The following FBXW12 variants were observed in gnomAD, a reference collection of about 807,000 sequenced individuals.
The protein encoded by FBXW12 is F-box/WD repeat-containing protein 12.
A neutral mutation model predicts 55.3 loss-of-function variants in FBXW12; 43 were observed. That is an observed-to-expected ratio of 0.78 (90% CI 0.61 to 1.00). The LOEUF is 1.00. Among genes scored for constraint, FBXW12 ranks in the 50% least tolerant of loss-of-function variants. The probability of loss-of-function intolerance (pLI) is 0.00; values close to 1 mark genes in which losing one functional copy is unlikely to be tolerated. For synonymous variants in FBXW12, 184 were observed against 203.8 expected (o/e 0.90, Z 0.83); for missense variants, 524 against 560.5 (o/e 0.93, Z 0.66).
At chr3:48,381,575 GA>G (rs1560032210) in intron 8 of FBXW12, 124 bp from the exon 9 acceptor site, 2 of 1,085,898 alleles carry the variant, frequency 1.8e-6, no homozygotes, top group Non-Finnish European at 2.5e-6. Flanking sequence ...TTCTTCCCCG[GA>G]ATGAAGTCTG....
rs141101103 is a variant in FBXW12 at position 48,386,324 on chromosome 3, A to G, written c.1295+4239A>G. On this transcript the variant is annotated intron_variant, in intron 10 of 10. Coordinates refer to ENST00000296438, the MANE Select transcript of FBXW12 (RefSeq NM_207102.2). Reference sequence around the variant, plus strand: ...ATAAATGTGCAGGTTTATTTCTGGGATCATTTATTCTGAGCTGTTGGTCAC... The same window carrying G: ...ATAAATGTGCAGGTTTATTTCTGGGGTCATTTATTCTGAGCTGTTGGTCAC... Among the ~76,000 whole-genome samples the G allele has an allele frequency of 1.6e-3, 239 of 152,142 alleles. 2 individuals are homozygous for G. Among genetic ancestry groups the G allele is most frequent in the African/African-American group, 5.5e-3 (228 of 41,516 alleles).
chr3:48,376,974 T>C (rs577599906), intron 5 of FBXW12, among the ~76,000 whole-genome samples: 2 of 152,304 alleles, frequency 1.3e-5, no homozygotes, highest in South Asian at 4.1e-4. Flanking sequence ...ACAGATAACT[T>C]GTATATTTAG....
chr3:48,375,471 A>G lies in FBXW12; in HGVS notation c.404A>G (p.Glu135Gly). 6.3e-7 allele frequency: 1 copy of G among 1,583,484 alleles called. No homozygotes were observed. The highest frequency in any genetic ancestry group is 8.6e-7 in the Non-Finnish European group (1 of 1,159,180). The change falls in exon 5 of 11, where the codon GAG (glutamate) becomes GGG (glycine). Residue 135 changes from glutamate (E) to glycine (G), a missense_variant and splice_region_variant. Coordinates refer to ENST00000296438, the MANE Select transcript of FBXW12 (RefSeq NM_207102.2). Reference protein sequence around the residue: ...KQELCAWDVQEGTMIWSSPVQ... With the variant: ...KQELCAWDVQGGTMIWSSPVQ... ...GAGCTTTGTGCCTGGGATGTGCAAG[A>G]GGTGAGTCTGGCCAATATGTGGCAA...
Position 48,380,695 on chromosome 3 carries a change from T to C in FBXW12, c.775-7T>C. The C allele has an allele frequency of 6.2e-7, 1 of 1,609,232 alleles. No homozygotes were observed. Among genetic ancestry groups the C allele is most frequent in the Non-Finnish European group, 8.5e-7 (1 of 1,175,516 alleles). On this transcript the variant is annotated splice_polypyrimidine_tract_variant and splice_region_variant and intron_variant, in intron 7 of 10. Coordinates refer to ENST00000296438, the MANE Select transcript of FBXW12 (RefSeq NM_207102.2). ...GCCCCTGACCATGCATGCGATGCTC[T>C]CTTTAGGTATTCCTCACAGAGTCCT...
intron 4 of FBXW12, among the ~76,000 whole-genome samples, chr3:48,374,178 T>C (rs2036647940): frequency 6.6e-6 from 1 of 151,948 alleles, no homozygotes; most frequent in South Asian, 2.1e-4. Flanking sequence ...ATTTAAAAAA[T>C]TAGCCTGGGT....
chr3:48,394,306 G>C (rs2036974145), intron 10 of FBXW12, among the ~76,000 whole-genome samples: 1 of 152,114 alleles, frequency 6.6e-6, no homozygotes, highest in African/African-American at 2.4e-5. Context: ...CATTAAACCA[G>C]ATAATCTGTC....
chr3:48,382,049 A>G lies in FBXW12; in HGVS notation c.1259A>G (p.His420Arg). The change falls in exon 10 of 11, where the codon CAC (histidine) becomes CGC (arginine). Residue 420 changes from histidine to arginine, a missense_variant. Physicochemically the swap from His to Arg is conservative, Grantham distance 29. Transcript: ENST00000296438. ...CATCCATACCTCAGGAGCTGCTGTC[A>G]CCTGGAAAACACGTGGCATGATCAC... is the stretch of plus-strand genomic sequence containing the variant. ...GRHPYLRSCCHLENTWHDHTT... is the reference protein window; with the variant it reads ...GRHPYLRSCCRLENTWHDHTT... 1 of 1,614,140 alleles carries G rather than the reference A, an allele frequency of 6.2e-7. No homozygotes were observed. Among genetic ancestry groups the G allele is most frequent in the Non-Finnish European group, 8.5e-7 (1 of 1,180,020 alleles).
chr3:48,383,282 T>G (rs1672981546), intron 10 of FBXW12, among the ~76,000 whole-genome samples: 1 of 152,226 alleles, frequency 6.6e-6, no homozygotes, highest in African/African-American at 2.4e-5. Context: ...TTTTTTTTCT[T>G]TCTTACATTT....
chr3:48,383,783 T>C (rs1030919698), intron 10 of FBXW12, among the ~76,000 whole-genome samples: 1 of 152,186 alleles, frequency 6.6e-6, no homozygotes, highest in South Asian at 2.1e-4. Flanking sequence ...TTTTTGTATA[T>C]GAATATTCAG....
At chr3:48,372,554 T>C in intron 1 of FBXW12, 130 bp from the exon 2 acceptor site, 1 of 1,179,534 alleles carries the variant, frequency 8.5e-7, no homozygotes, top group Non-Finnish European at 1.2e-6. Flanking sequence ...TGGGTTTAGG[T>C]AGGGATGCCT....
intron 1 of FBXW12, 143 bp downstream of exon 1, chr3:48,372,463 G>A: frequency 8.8e-7 from 1 of 1,138,816 alleles, no homozygotes; most frequent in Non-Finnish European, 1.3e-6. Flanking sequence ...CTGCAACTGG[G>A]GCTGCCCCAG....
intron 10 of FBXW12, among the ~76,000 whole-genome samples, chr3:48,385,973 G>A (rs531893185): frequency 6.6e-6 from 1 of 152,130 alleles, no homozygotes; most frequent in South Asian, 2.1e-4. Context: ...TTGTCTCTTT[G>A]ATCTGCTTTC....
chr3:48,373,432 G>T (rs895573056), intron 3 of FBXW12, 87 bp downstream of exon 3: 3 of 1,611,246 alleles, frequency 1.9e-6, no homozygotes, highest in Middle Eastern at 1.7e-4. Flanking sequence ...CTGTGTGGCT[G>T]TGTTGTGAGA....
chr3:48,394,497 A>ATTAACAATGGATGTACCTACTTTCTC, intron 10 of FBXW12, 63 bp from the exon 11 acceptor site: 1 of 920,466 alleles, frequency 1.1e-6, no homozygotes. Flanking sequence ...CTAAGTCAGT[A>ATTAACAATGGATGTACCTACTTTCTC]TTAACAATGG....
intron 7 of FBXW12, 41 bp from the exon 8 acceptor site, chr3:48,380,660 TA>T (rs781111727): frequency 6.8e-7 from 1 of 1,470,104 alleles, no homozygotes; most frequent in Non-Finnish European, 9.5e-7. Context: ...TGAGAGGCTA[TA>T]AGTTCCCTGC....
intron 10 of FBXW12, among the ~76,000 whole-genome samples, chr3:48,387,934 G>A (rs1357991973): frequency 6.6e-6 from 1 of 152,180 alleles, no homozygotes; most frequent in African/African-American, 2.4e-5. Context: ...TAAGCATTTG[G>A]TGTTCTAAAT....
At chr3:48,389,345 G>A (rs1481245944) in intron 10 of FBXW12, among the ~76,000 whole-genome samples, 3 of 152,090 alleles carry the variant, frequency 2.0e-5, no homozygotes, top group Non-Finnish European at 4.4e-5. Context: ...TGTTTACTCT[G>A]TTGATAGTTT....
At chr3:48,392,568 G>C (rs1193099863) in intron 10 of FBXW12, among the ~76,000 whole-genome samples, 1 of 151,800 alleles carries the variant, frequency 6.6e-6, no homozygotes, top group Non-Finnish European at 1.5e-5. Context: ...TGCTAATGAG[G>C]TTTGCTCAAG....
chr3:48,378,232 G>T lies in FBXW12; in HGVS notation c.406-85G>T, dbSNP rs193146353. ...AAGCAAGAAGATCTGATTTGGAAGAGGCTTCCAAATAAACATGGGCAGAAT... is the reference window on the plus strand; with the variant it reads ...AAGCAAGAAGATCTGATTTGGAAGATGCTTCCAAATAAACATGGGCAGAAT... On this transcript the variant is annotated intron_variant, in intron 5 of 10. Coordinates refer to ENST00000296438, the MANE Select transcript of FBXW12 (RefSeq NM_207102.2). The T allele has an allele frequency of 1.8e-4, 179 of 1,005,444 alleles. 1 individual carries two copies. The South Asian group carries it at 2.3e-3, about 13-fold the overall frequency. The allele number at this position is 1,005,444 out of a possible 1,614,324, so 62.3% of individuals were successfully genotyped here. A position where few individuals can be genotyped will look rare whatever the true frequency, so the allele number is the denominator to read the frequency against.
Sources: allele counts gnomAD v4.1 joint callset (sites outside exome capture counted in the v4.1 genomes callset), GRCh38; gene constraint gnomAD v4.1.1; transcripts MANE v1.5; gene names NCBI Gene and HGNC (gene_info 2026-07-23, HGNC 2026-07-21).